The following CARMIL1 variants were observed in gnomAD, a reference collection of about 807,000 sequenced individuals.
The protein encoded by CARMIL1 is F-actin-uncapping protein LRRC16A.
In CARMIL1, 90 loss-of-function variants were observed where a neutral mutation model predicts 177.1. The ratio of observed to expected loss-of-function variants is 0.51; its 90% CI spans 0.43 to 0.61. CARMIL1 has a LOEUF of 0.61. Among genes scored for constraint, CARMIL1 ranks in the 20% least tolerant of loss-of-function variants. The probability of loss-of-function intolerance (pLI) is 0.00; values close to 1 mark genes in which losing one functional copy is unlikely to be tolerated. For synonymous variants in CARMIL1, 577 were observed against 606.2 expected, an observed-to-expected ratio of 0.95 and a Z score of 0.71; for missense variants, 1,380 against 1,667.0, an observed-to-expected ratio of 0.83 and a Z score of 3.00.
At chr6:25,402,419 T>C (rs1320522689) in intron 2 of CARMIL1, among the ~76,000 whole-genome samples, 1 of 152,224 alleles carries the variant, frequency 6.6e-6, no homozygotes, top group Non-Finnish European at 1.5e-5. Flanking sequence ...CCAAGCCAGC[T>C]ACTGTTTCTT....
chr6:25,392,054 A>ATG (rs36076582), intron 2 of CARMIL1, among the ~76,000 whole-genome samples: 1,772 of 139,272 alleles, frequency 0.013, 20 homozygotes, highest in Middle Eastern at 0.024. Context: ...GTGTATATGC[A>ATG]TGTGTGTGTG....
chr6:25,594,625 A>G (rs906258283), intron 32 of CARMIL1, 98 bp downstream of exon 32: 89 of 712,886 alleles, frequency 1.2e-4, no homozygotes, highest in Non-Finnish European at 2.0e-4. Context: ...CATTTTATAT[A>G]TGGAAATTAC....
chr6:25,461,421 G>A (rs1800107669), intron 8 of CARMIL1, among the ~76,000 whole-genome samples: 1 of 152,218 alleles, frequency 6.6e-6, no homozygotes, highest in Non-Finnish European at 1.5e-5. Context: ...GAGTCACAAT[G>A]AAGAGTTCCT....
At chr6:25,373,264 T>C (rs1183725910) in intron 2 of CARMIL1, among the ~76,000 whole-genome samples, 1 of 152,030 alleles carries the variant, frequency 6.6e-6, no homozygotes, top group Non-Finnish European at 1.5e-5. Flanking sequence ...CAGGGTGATA[T>C]TGGTGTCATA....
chr6:25,585,687 A>G (rs939337943), intron 31 of CARMIL1, among the ~76,000 whole-genome samples: 29 of 152,244 alleles, frequency 1.9e-4, no homozygotes, highest in African/African-American at 5.3e-4. Flanking sequence ...TAGGCAGAGG[A>G]CCCTGCGGCC....
At chr6:25,487,887 GT>G (rs1297057031) in intron 12 of CARMIL1, among the ~76,000 whole-genome samples, 3 of 152,164 alleles carry the variant, frequency 2.0e-5, no homozygotes, top group African/African-American at 7.2e-5. Context: ...AGCCATTTAT[GT>G]TATGTATGTA....
chr6:25,593,408 AAGC>A (rs1461099573), intron 31 of CARMIL1, among the ~76,000 whole-genome samples: 1 of 152,180 alleles, frequency 6.6e-6, no homozygotes, highest in African/African-American at 2.4e-5. Flanking sequence ...CCTATCATCT[AAGC>A]AGTAAATTCC....
At chr6:25,291,218 C>T (rs887086990) in intron 2 of CARMIL1, among the ~76,000 whole-genome samples, 19 of 151,908 alleles carry the variant, frequency 1.3e-4, no homozygotes, top group Admixed American at 6.6e-5. Flanking sequence ...AAAAAAATGT[C>T]GAAAGGCATA....
At position 25,544,606 on chromosome 6, in the gene CARMIL1, TACACACACACACACAC is replaced by T. The variant is rs3034120; in HGVS notation, c.2328+4553_2328+4568del. ...CTGAGATCATTTACTGTTACTAGACTACACACACACACACACACACACACACACACACACACACACC... is the reference window on the plus strand; with the variant it reads ...CTGAGATCATTTACTGTTACTAGACTACACACACACACACACACACACACC... On this transcript the variant is annotated intron_variant, in intron 26 of 36. Coordinates refer to ENST00000329474, the MANE Select transcript of CARMIL1 (RefSeq NM_017640.6). Among the ~76,000 whole-genome samples, 798 of 142,512 alleles carry T rather than the reference TACACACACACACACAC, an allele frequency of 5.6e-3. 7 individuals are homozygous for T. The highest frequency in any genetic ancestry group is 0.02 in the African/African-American group (751 of 37,706). 93.5% of individuals were successfully genotyped at this position (142,512 alleles called of 152,430 possible).
intron 8 of CARMIL1, chr6:25,452,000 C>CCT (rs1554199106): frequency 1.8e-4 from 33 of 185,044 alleles, no homozygotes; most frequent in African/African-American, 8.8e-4. Context: ...CCCCCTCCCC[C>CCT]CCCCAGAATA....
chr6:25,390,312 A>AT lies in CARMIL1; in HGVS notation c.139-29801dup, dbSNP rs1562073521. On this transcript the variant is annotated intron_variant, in intron 2 of 36. Coordinates refer to ENST00000329474, the MANE Select transcript of CARMIL1 (RefSeq NM_017640.6). ...TATTTACATATATATATATATATATATATATATATTTTTTTTTTTTTTTTT... is the reference window on the plus strand; with the variant it reads ...TATTTACATATATATATATATATATATTATATATATTTTTTTTTTTTTTTTT... Among the ~76,000 whole-genome samples, 40 of 38,870 alleles carry AT rather than the reference A, an allele frequency of 1.0e-3. 2 individuals carry two copies. Among genetic ancestry groups the AT allele is most frequent in the Admixed American group, 3.0e-3 (11 of 3,618 alleles). 25.5% of individuals were successfully genotyped at this position (38,870 alleles called of 152,430 possible).
At chr6:25,283,988 G>A (rs140624591) in intron 1 of CARMIL1, among the ~76,000 whole-genome samples, 2 of 152,094 alleles carry the variant, frequency 1.3e-5, no homozygotes, top group South Asian at 4.1e-4. Flanking sequence ...AAAGTGCTGG[G>A]ATTACAGACG....
chr6:25,356,699 G>A (rs568694837), intron 2 of CARMIL1, among the ~76,000 whole-genome samples: 2 of 152,318 alleles, frequency 1.3e-5, no homozygotes, highest in South Asian at 4.1e-4. Context: ...ATCTTGGGGA[G>A]CTACATCACA....
intron 2 of CARMIL1, chr6:25,287,585 T>C (rs909590702): frequency 1.3e-5 from 2 of 152,588 alleles, no homozygotes; most frequent in African/African-American, 4.8e-5. Flanking sequence ...CCAGAGACTG[T>C]GCTGAGTACT....
intron 29 of CARMIL1, among the ~76,000 whole-genome samples, chr6:25,565,488 G>A (rs939458047): frequency 1.3e-5 from 2 of 152,220 alleles, no homozygotes; most frequent in Non-Finnish European, 2.9e-5. Flanking sequence ...CTTCCCTGAA[G>A]TGATCATTGC....
intron 11 of CARMIL1, among the ~76,000 whole-genome samples, chr6:25,479,657 A>G (rs1007784640): frequency 2.3e-4 from 35 of 151,984 alleles, no homozygotes; most frequent in African/African-American, 8.5e-4. Flanking sequence ...ATTTAACTGG[A>G]TTCTTCCCTT....
In CARMIL1 at chr6:25,487,682, C is replaced by T. The variant is rs558983790; in HGVS notation, c.962-800C>T. Among the ~76,000 whole-genome samples the T allele has an allele frequency of 2.6e-4, 39 of 152,244 alleles. 3 individuals carry two copies. The South Asian group carries it at 6.6e-3, about 26-fold the overall frequency. Reference sequence around the variant, plus strand: ...TCTGGGCTCCCATTTTATAATGACACACCTCAAAGAGCTCCTTTTCCCTTC... The same window carrying T: ...TCTGGGCTCCCATTTTATAATGACATACCTCAAAGAGCTCCTTTTCCCTTC... On this transcript the variant is annotated intron_variant, in intron 12 of 36. Coordinates refer to ENST00000329474, the MANE Select transcript of CARMIL1 (RefSeq NM_017640.6).
chr6:25,402,202 A>C (rs1473843615), intron 2 of CARMIL1, among the ~76,000 whole-genome samples: 2 of 152,118 alleles, frequency 1.3e-5, no homozygotes, highest in Non-Finnish European at 2.9e-5. Context: ...AACTGATGTC[A>C]GAGAGTGCTT....
chr6:25,580,302 A>G (rs1813010966), intron 29 of CARMIL1, among the ~76,000 whole-genome samples: 1 of 152,186 alleles, frequency 6.6e-6, no homozygotes, highest in Non-Finnish European at 1.5e-5. Context: ...GTTGACACCA[A>G]TGCTAGGAAA....
Sources: gnomAD v4.1 joint callset for allele counts (sites outside exome capture counted in the v4.1 genomes callset) on GRCh38, gnomAD v4.1.1 for gene constraint, MANE v1.5 for transcripts, NCBI Gene and HGNC (gene_info 2026-07-23, HGNC 2026-07-21) for gene names.